The following PARD3 variants were observed in gnomAD, a reference collection of about 807,000 sequenced individuals.
The protein encoded by PARD3 is partitioning defective 3 homolog.
Under a neutral mutation model 155.4 loss-of-function variants are expected in PARD3, and 75 were observed. That is an observed-to-expected ratio of 0.48 (90% CI 0.40 to 0.58). PARD3 has a LOEUF of 0.58. Among genes scored for constraint, PARD3 ranks in the 20% least tolerant of loss-of-function variants. The pLI, the probability that PARD3 is intolerant of heterozygous loss-of-function variation, is 0.00. For synonymous variants in PARD3, 576 were observed against 610.5 expected, an observed-to-expected ratio of 0.94 and a Z score of 0.83; for missense variants, 1,642 against 1,721.7, an observed-to-expected ratio of 0.95 and a Z score of 0.82.
intron 5 of PARD3, among the ~76,000 whole-genome samples, chr10:34,406,451 T>C (rs1844484406): frequency 6.6e-6 from 1 of 152,108 alleles, no homozygotes; most frequent in Admixed American, 6.6e-5. Flanking sequence ...AGAAACCAGT[T>C]CAGATAAGAG....
At chr10:34,317,083 T>C in intron 20 of PARD3, 24 bp downstream of exon 20, 1 of 1,530,006 alleles carries the variant, frequency 6.5e-7, no homozygotes, top group Non-Finnish European at 8.8e-7. Flanking sequence ...AAGGAGATTC[T>C]GGTTTGGGAT....
intron 22 of PARD3, among the ~76,000 whole-genome samples, chr10:34,216,879 TG>T (rs1173668408): frequency 6.6e-6 from 1 of 152,258 alleles, no homozygotes; most frequent in Non-Finnish European, 1.5e-5. Flanking sequence ...GGAAACTGCT[TG>T]GGTCCACATT....
chr10:34,782,121 A>G (rs1840306415), intron 1 of PARD3, among the ~76,000 whole-genome samples: 1 of 152,148 alleles, frequency 6.6e-6, no homozygotes, highest in Non-Finnish European at 1.5e-5. Context: ...TTTTCTTCCA[A>G]TCATCCTAAC....
intron 21 of PARD3, among the ~76,000 whole-genome samples, chr10:34,272,899 T>C (rs1955691936): frequency 6.6e-6 from 1 of 152,210 alleles, no homozygotes; most frequent in East Asian, 1.9e-4. Context: ...AATAGGGAAA[T>C]GCAAATAAGA....
At chr10:34,383,941 G>A (rs1842102531) in intron 8 of PARD3, among the ~76,000 whole-genome samples, 188 bp downstream of exon 8, 1 of 152,156 alleles carries the variant, frequency 6.6e-6, no homozygotes, top group African/African-American at 2.4e-5. Context: ...TCCATCAGAG[G>A]ACATTTTGAA....
chr10:34,431,595 C>T lies in PARD3; in HGVS notation c.714+18722G>A, dbSNP rs1037448573. Among the ~76,000 whole-genome samples the T allele has an allele frequency of 3.3e-5, 5 of 151,922 alleles. No individual in the cohort carries two copies. In the East Asian group the frequency reaches 9.7e-4, roughly 29 times the overall value. On this transcript the variant is annotated intron_variant, in intron 5 of 24. Coordinates refer to ENST00000374788, the MANE Select transcript of PARD3 (RefSeq NM_001184785.2). ...GTCTCTTCTAAAAATACAAAATTAG[C>T]TAGGCATGGTGGTGTGTGCCTGTAA... is the stretch of plus-strand genomic sequence containing the variant.
At chr10:34,517,338 A>C (rs2081842680) in intron 2 of PARD3, among the ~76,000 whole-genome samples, 179 bp from the exon 3 acceptor site, 1 of 152,248 alleles carries the variant, frequency 6.6e-6, no homozygotes, top group African/African-American at 2.4e-5. Flanking sequence ...TTGATGCTTT[A>C]CTTGTATAAT....
At chr10:34,537,486 G>A (rs1465039249) in intron 2 of PARD3, among the ~76,000 whole-genome samples, 1 of 152,182 alleles carries the variant, frequency 6.6e-6, no homozygotes, top group Non-Finnish European at 1.5e-5. Context: ...CAAAGCCAAG[G>A]AGACAATGGG....
At chr10:34,804,855 C>T (rs1366982188) in intron 1 of PARD3, among the ~76,000 whole-genome samples, 1 of 152,142 alleles carries the variant, frequency 6.6e-6, no homozygotes, top group Non-Finnish European at 1.5e-5. Context: ...AAAAACAACA[C>T]TCCTTTCTTT....
intron 2 of PARD3, among the ~76,000 whole-genome samples, chr10:34,657,274 C>T (rs534523874): frequency 6.6e-6 from 1 of 152,050 alleles, no homozygotes; most frequent in African/African-American, 2.4e-5. Flanking sequence ...AACATGCACA[C>T]TTTCAAACAT....
chr10:34,433,647 T>C (rs1050725793), intron 5 of PARD3, among the ~76,000 whole-genome samples: 1 of 152,206 alleles, frequency 6.6e-6, no homozygotes, highest in African/African-American at 2.4e-5. Flanking sequence ...CCCCTCAAAC[T>C]TTCTCCAATT....
chr10:34,618,501 G>C (rs1001178931), intron 2 of PARD3, among the ~76,000 whole-genome samples: 1 of 151,912 alleles, frequency 6.6e-6, no homozygotes, highest in African/African-American at 2.4e-5. Context: ...GTAAAAATGA[G>C]AAAGTGACAT....
intron 1 of PARD3, among the ~76,000 whole-genome samples, chr10:34,765,791 G>C (rs1194299522): frequency 6.6e-6 from 1 of 152,168 alleles, no homozygotes; most frequent in East Asian, 1.9e-4. Context: ...TAGTATTAAA[G>C]TGGCTAACAT....
At position 34,331,171 on chromosome 10, in the gene PARD3, C is replaced by T. The variant is rs748266747; in HGVS notation, c.2779G>A (p.Asp927Asn). 1.2e-6 allele frequency: 2 copies of T among 1,614,010 alleles called. No homozygotes were observed. Among genetic ancestry groups the T allele is most frequent in the South Asian group, 1.1e-5 (1 of 91,066 alleles). ...GCNESFRAAI[D>N]KSYDKPAVDD... ...ACCGCGGGTTTATCATAAGATTTGT[C>T]GATGGCAGCTCTGAAGCTCTCATTG... Residue 927 changes from aspartate (D) to asparagine (N), a missense_variant, in exon 19 of 25, where the codon GAC becomes AAC. Physicochemically the swap from Asp to Asn is conservative, Grantham distance 23. This residue lies in a region of PARD3 where 1,529 missense variants were observed against 1,587.3 expected (regional missense o/e 0.96). Coordinates refer to ENST00000374788, the MANE Select transcript of PARD3 (RefSeq NM_001184785.2).
At chr10:34,319,577 A>G (rs978340926) in intron 19 of PARD3, among the ~76,000 whole-genome samples, 1 of 152,220 alleles carries the variant, frequency 6.6e-6, no homozygotes, top group Non-Finnish European at 1.5e-5. Flanking sequence ...ACATAGTGAA[A>G]ATCCATAATC....
At chr10:34,469,507 G>C (rs1564747942) in intron 4 of PARD3, among the ~76,000 whole-genome samples, 1 of 152,200 alleles carries the variant, frequency 6.6e-6, no homozygotes. Context: ...GGTCAGGGAA[G>C]AAAGTATTAT....
intron 20 of PARD3, among the ~76,000 whole-genome samples, chr10:34,289,950 A>T (rs1269050391): frequency 6.6e-6 from 1 of 152,208 alleles, no homozygotes; most frequent in East Asian, 1.9e-4. Context: ...AACAAATTCT[A>T]CTGTTTTTAT....
At chr10:34,534,482 T>C (rs139869406) in intron 2 of PARD3, among the ~76,000 whole-genome samples, 17 of 152,196 alleles carry the variant, frequency 1.1e-4, no homozygotes, top group East Asian at 1.9e-4. Flanking sequence ...GTGGGTGACA[T>C]TGAATGGGTC....
chr10:34,533,135 A>G (rs761735767), intron 2 of PARD3, among the ~76,000 whole-genome samples: 1 of 152,212 alleles, frequency 6.6e-6, no homozygotes, highest in Non-Finnish European at 1.5e-5. Context: ...CCATCATCCT[A>G]TATGCAATGC....
Sources: gnomAD v4.1 joint callset for allele counts (sites outside exome capture counted in the v4.1 genomes callset) on GRCh38, gnomAD v4.1.1 for gene constraint, gnomAD v4.1.1 regional missense constraint, MANE v1.5 for transcripts, NCBI Gene and HGNC (gene_info 2026-07-23, HGNC 2026-07-21) for gene names.